Variants in DLG2 observed in about 807,000 individuals in gnomAD.
DLG2 encodes discs large MAGUK scaffold protein 2.
DLG2 carries 45 observed loss-of-function variants against 132.5 expected under a neutral mutation model. The ratio of observed to expected loss-of-function variants is 0.34; its 90% CI spans 0.27 to 0.44. DLG2 has a LOEUF of 0.44. Ranked by LOEUF, DLG2 falls within the 20% of genes least tolerant of loss-of-function variation. The pLI, the probability that DLG2 is intolerant of heterozygous loss-of-function variation, is 1.00. For missense variants in DLG2, 1,045 were observed against 1,196.9 expected (o/e 0.87, Z 1.87); for synonymous variants, 424 against 419.6 (o/e 1.01, Z -0.13).
intron 6 of DLG2, among the ~76,000 whole-genome samples, chr11:84,681,790 A>T (rs2099730714): frequency 6.6e-6 from 1 of 152,140 alleles, no homozygotes; most frequent in Admixed American, 6.5e-5. Flanking sequence ...ACTTGCCAGA[A>T]AAAGCAAGAA....
chr11:85,151,623 A>T (rs1367945708), intron 5 of DLG2, among the ~76,000 whole-genome samples: 1 of 152,174 alleles, frequency 6.6e-6, no homozygotes, highest in Non-Finnish European at 1.5e-5. Context: ...CAGTTTTCCC[A>T]CCACCATTTG....
chr11:85,219,290 C>G (rs1481098057), intron 4 of DLG2, among the ~76,000 whole-genome samples: 2 of 152,126 alleles, frequency 1.3e-5, no homozygotes, highest in Non-Finnish European at 2.9e-5. Context: ...CCTCTGGTCT[C>G]TAGGCTAGAT....
chr11:85,230,531 A>G (rs1037227702), intron 4 of DLG2, among the ~76,000 whole-genome samples: 1 of 151,716 alleles, frequency 6.6e-6, no homozygotes, highest in African/African-American at 2.4e-5. Context: ...TTCTTTCACC[A>G]TTTTAAAGAT....
At chr11:85,222,459 A>C (rs1221999748) in intron 4 of DLG2, among the ~76,000 whole-genome samples, 1 of 152,230 alleles carries the variant, frequency 6.6e-6, no homozygotes, top group Non-Finnish European at 1.5e-5. Flanking sequence ...AGGGAATTTT[A>C]AAATAACTAA....
chr11:84,376,406 T>G (rs1398591443), intron 7 of DLG2, among the ~76,000 whole-genome samples: 5 of 151,908 alleles, frequency 3.3e-5, no homozygotes, highest in African/African-American at 1.2e-4. Context: ...AGGATCACAT[T>G]GACCTTAAAG....
chr11:83,714,597 T>C (rs967298914), intron 18 of DLG2, among the ~76,000 whole-genome samples: 2 of 152,218 alleles, frequency 1.3e-5, no homozygotes, highest in African/African-American at 2.4e-5. Context: ...AACATTAACA[T>C]GTGCTTCCTC....
At chr11:85,509,782 C>A (rs558861691) in intron 3 of DLG2, among the ~76,000 whole-genome samples, 2 of 152,048 alleles carry the variant, frequency 1.3e-5, no homozygotes, top group South Asian at 4.2e-4. Flanking sequence ...CTATGAATCA[C>A]TGATGAATTA....
intron 19 of DLG2, among the ~76,000 whole-genome samples, chr11:83,580,347 G>A (rs75160637): frequency 7.7e-6 from 1 of 130,388 alleles, no homozygotes; most frequent in African/African-American, 3.3e-5. Flanking sequence ...AACCATAGAT[G>A]CCACAACTTT....
chr11:84,552,352 A>C (rs2099403428), intron 6 of DLG2, among the ~76,000 whole-genome samples: 1 of 152,068 alleles, frequency 6.6e-6, no homozygotes, highest in Non-Finnish European at 1.5e-5. Context: ...ATTCCCCAAA[A>C]TCTAGAATTT....
At chr11:84,302,355 TCAA>T (rs897108207) in intron 7 of DLG2, among the ~76,000 whole-genome samples, 2 of 152,116 alleles carry the variant, frequency 1.3e-5, no homozygotes, top group African/African-American at 4.8e-5. Context: ...AAAAATGATG[TCAA>T]CAAGAAAAAT....
intron 3 of DLG2, among the ~76,000 whole-genome samples, chr11:85,320,492 T>G (rs2080986191): frequency 6.6e-6 from 1 of 151,872 alleles, no homozygotes; most frequent in East Asian, 1.9e-4. Context: ...AAAAAAGAGA[T>G]GGTATTCCTA....
At chr11:84,511,386 ACTTTT>A (rs2099256618) in intron 7 of DLG2, among the ~76,000 whole-genome samples, 1 of 152,160 alleles carries the variant, frequency 6.6e-6, no homozygotes, top group African/African-American at 2.4e-5. Flanking sequence ...TGAAATGGCA[ACTTTT>A]CTTTGGACCA....
chr11:85,271,954 CATG>C (rs1229654127), intron 4 of DLG2, among the ~76,000 whole-genome samples: 1 of 152,102 alleles, frequency 6.6e-6, no homozygotes, highest in Non-Finnish European at 1.5e-5. Context: ...TTTGGGAAGG[CATG>C]ATTAGTTTTG....
chr11:83,587,806 G>A (rs974948048), intron 19 of DLG2, among the ~76,000 whole-genome samples: 5 of 152,206 alleles, frequency 3.3e-5, no homozygotes, highest in African/African-American at 1.2e-4. Context: ...AGCCGAAGCA[G>A]GGCGAGGCAT....
rs117012025 is a variant in DLG2 at position 83,962,669 on chromosome 11, A to C, written c.1340+216T>G. Among the ~76,000 whole-genome samples, 18 of 152,172 alleles carry C rather than the reference A, an allele frequency of 1.2e-4. No homozygotes were observed. The East Asian group carries it at 2.3e-3, about 20-fold the overall frequency. On this transcript the variant is annotated intron_variant, in intron 14 of 27. Transcript: ENST00000376104. ...TTAATAAATGGCAAAGTGATGTATA[A>C]GTGTATCTTACTATTTATTCACAAA... is the stretch of plus-strand genomic sequence containing the variant.
intron 9 of DLG2, among the ~76,000 whole-genome samples, chr11:84,146,944 A>T (rs1415168529): frequency 6.6e-6 from 1 of 152,104 alleles, no homozygotes; most frequent in East Asian, 1.9e-4. Flanking sequence ...ATTTCAGATG[A>T]CATTACTTCA....
chr11:84,270,165 G>T (rs2097701149), intron 7 of DLG2, among the ~76,000 whole-genome samples: 1 of 152,188 alleles, frequency 6.6e-6, no homozygotes, highest in Non-Finnish European at 1.5e-5. Context: ...CTGCCTAGAA[G>T]AATGTCCTTA....
chr11:84,499,225 A>G (rs193096585), intron 7 of DLG2, among the ~76,000 whole-genome samples: 80 of 152,316 alleles, frequency 5.3e-4, no homozygotes, highest in Non-Finnish European at 6.8e-4. Flanking sequence ...TTTCTCCTCT[A>G]TAAAACTGAA....
At chr11:83,520,158 T>A (rs1048445572) in intron 21 of DLG2, among the ~76,000 whole-genome samples, 2 of 152,210 alleles carry the variant, frequency 1.3e-5, no homozygotes, top group African/African-American at 4.8e-5. Flanking sequence ...AAAAGGCGAA[T>A]GGCATATCTG....
Sources: gnomAD v4.1 joint callset for allele counts (sites outside exome capture counted in the v4.1 genomes callset) on GRCh38, gnomAD v4.1.1 for gene constraint, MANE v1.5 for transcripts, NCBI Gene and HGNC (gene_info 2026-07-23, HGNC 2026-07-21) for gene names.